PHTF1: variants seen among roughly 807,000 people sequenced by gnomAD.
The protein encoded by PHTF1 is putative homeodomain transcription factor 1.
PHTF1 carries 88 observed loss-of-function variants against 102.4 expected under a neutral mutation model. The ratio of observed to expected loss-of-function variants is 0.86; its 90% CI spans 0.72 to 1.03. PHTF1 has a LOEUF of 1.03. Among genes scored for constraint, PHTF1 ranks in the 50% least tolerant of loss-of-function variants. The pLI is 0.00. For missense variants in PHTF1, 814 were observed against 909.5 expected, an observed-to-expected ratio of 0.89 and a Z score of 1.35; for synonymous variants, 289 against 305.2, an observed-to-expected ratio of 0.95 and a Z score of 0.55.
intron 3 of PHTF1, among the ~76,000 whole-genome samples, chr1:113,742,941 C>G (rs928836371): frequency 1.3e-5 from 2 of 152,140 alleles, no homozygotes; most frequent in African/African-American, 4.8e-5. Flanking sequence ...TCAAGCAATC[C>G]TCCTACCTCA....
chr1:113,727,533 C>G (rs1654025696), intron 5 of PHTF1, among the ~76,000 whole-genome samples: 1 of 152,218 alleles, frequency 6.6e-6, no homozygotes, highest in African/African-American at 2.4e-5. Flanking sequence ...AAATTTATCT[C>G]AGCGTTTAGA....
At chr1:113,716,111 A>G (rs1178232833) in intron 7 of PHTF1, among the ~76,000 whole-genome samples, 3 of 152,156 alleles carry the variant, frequency 2.0e-5, no homozygotes, top group Admixed American at 6.5e-5. Context: ...TTCAAGTACA[A>G]GAAGGTCATA....
rs1046584905 is a variant in PHTF1, at chr1:113,706,657, C to T, written c.1335G>A (p.Glu445=). Residue 445 remains glutamate (E), a synonymous_variant, in exon 12 of 19, where the codon GAG becomes GAA. Transcript: ENST00000369604. ...SSDRVSAIIW[E]GNECKKMDMS... is the part of the protein sequence containing the mutation. ...TATCCATCTTTTTGCACTCATTCCCCTCCCAGATTATTGCACTAACTCGAT... is the reference window on the plus strand; with the variant it reads ...TATCCATCTTTTTGCACTCATTCCCTTCCCAGATTATTGCACTAACTCGAT... 5.6e-6 allele frequency: 9 copies of T among 1,610,504 alleles called. No individual in the cohort carries two copies. In the Admixed American group the frequency reaches 1.3e-4, roughly 24 times the overall value.
rs749964684 is a variant in PHTF1, at chr1:113,735,365, CAAAAAAAAAAAAAAAAA to C, written c.331+2728_331+2744del. 4.6e-4 allele frequency among the ~76,000 whole-genome samples: 13 copies of C among 28,448 alleles called. No individual in the cohort carries two copies. The Admixed American group carries it at 8.8e-3, about 19-fold the overall frequency. 18.7% of individuals were successfully genotyped at this position (28,448 alleles called of 152,430 possible). A position where few individuals can be genotyped will look rare whatever the true frequency, so the allele number is the denominator to read the frequency against. On this transcript the variant is annotated intron_variant, in intron 5 of 18. Transcript: ENST00000369604. ...TGGACAACAGAATGAGACTCTGTCT[CAAAAAAAAAAAAAAAAA>C]AAAAAAAAAAAAAGGCAGCTATACA...
intron 1 of PHTF1, 52 bp from the exon 2 acceptor site, chr1:113,758,785 C>A: frequency 6.4e-7 from 1 of 1,561,066 alleles, no homozygotes; most frequent in Non-Finnish European, 8.7e-7. Context: ...AGGTTACTCT[C>A]CCAGTTTGGG....
rs113564166 is a variant in PHTF1, at chr1:113,697,528, A to G, written c.*177T>C. ...GAAAATACAGGTTTTTAGCATGCAC[A>G]CCCAGTTGGAAAAGGACTTGCTCCT... On this transcript the variant is annotated 3_prime_UTR_variant, in exon 19 of 19. Coordinates refer to ENST00000369604, the MANE Select transcript of PHTF1 (RefSeq NM_001323043.2). 7 of 565,376 alleles carry G rather than the reference A, an allele frequency of 1.2e-5. No homozygotes were observed. The highest frequency in any genetic ancestry group is 1.2e-4 in the African/African-American group (6 of 51,792). The allele number at this position is 565,376 out of a possible 1,614,324, so 35.0% of individuals were successfully genotyped here.
At chr1:113,737,410 C>T (rs192760150) in intron 5 of PHTF1, among the ~76,000 whole-genome samples, 135 of 152,232 alleles carry the variant, frequency 8.9e-4, no homozygotes, top group African/African-American at 3.0e-3. Context: ...TGAAGTGCAG[C>T]GGAGAGATCT....
chr1:113,706,830 A>C, intron 11 of PHTF1, 108 bp from the exon 12 acceptor site: 2 of 583,776 alleles, frequency 3.4e-6, no homozygotes, highest in African/African-American at 2.0e-5. Context: ...CACCTCTATA[A>C]TGCTGGTCCT....
chr1:113,753,669 C>A, intron 3 of PHTF1, among the ~76,000 whole-genome samples: 1 of 152,046 alleles, frequency 6.6e-6, no homozygotes, highest in Non-Finnish European at 1.5e-5. Flanking sequence ...CTCATGCAAT[C>A]TGCCTGCCTC....
Position 113,697,130 on chromosome 1 carries a change from CCA to C in PHTF1, c.*573_*574del, listed in dbSNP as rs1412334425. 6.6e-6 allele frequency: 1 copy of C among 152,408 alleles called. No individual in the cohort carries two copies. Among genetic ancestry groups the C allele is most frequent in the Non-Finnish European group, 1.5e-5 (1 of 68,098 alleles). The allele number at this position is 152,408 out of a possible 1,614,324, so 9.4% of individuals were successfully genotyped here. A position where few individuals can be genotyped will look rare whatever the true frequency, so the allele number is the denominator to read the frequency against. The stretch of plus-strand genomic sequence containing the variant: ...AATCGTAAACGAACAAAACATTTCT[CCA>C]CAGTTTAACAGAAACTCACAGTTTA... On this transcript the variant is annotated 3_prime_UTR_variant, in exon 19 of 19. Coordinates refer to ENST00000369604, the MANE Select transcript of PHTF1 (RefSeq NM_001323043.2).
Position 113,713,332 on chromosome 1 carries a change from T to C in PHTF1, c.730A>G (p.Met244Val). The C allele has an allele frequency of 6.2e-7, 1 of 1,613,656 alleles. No homozygotes were observed. The highest frequency in any genetic ancestry group is 1.1e-5 in the South Asian group (1 of 91,068). Residue 244 changes from methionine to valine, a missense_variant, in exon 8 of 19, where the codon ATG becomes GTG. Met to Val is a conservative substitution (Grantham distance 21). Transcript: ENST00000369604. Reference protein sequence around the residue: ...KRRQCRPEIRMWQTREKAKFS... With the variant: ...KRRQCRPEIRVWQTREKAKFS... The stretch of plus-strand genomic sequence containing the variant: ...TTTGCTTTCTCTCTTGTTTGCCACA[T>C]TCTAATCTCTGGTCGACATTGTCTC...
intron 13 of PHTF1, 66 bp downstream of exon 13, chr1:113,705,824 A>G (rs1364301154): frequency 7.9e-7 from 1 of 1,273,782 alleles, no homozygotes. Context: ...TCAAGAGAAC[A>G]AAAGCAACTC....
intron 3 of PHTF1, among the ~76,000 whole-genome samples, chr1:113,750,858 AAAG>A (rs1657974218): frequency 1.3e-5 from 2 of 152,218 alleles, no homozygotes; most frequent in Middle Eastern, 3.4e-3. Flanking sequence ...AAAAAAAAAA[AAAG>A]ATTAGTAAAA....
intron 5 of PHTF1, among the ~76,000 whole-genome samples, chr1:113,737,371 G>T (rs1244154802): frequency 6.6e-6 from 1 of 152,226 alleles, no homozygotes; most frequent in African/African-American, 2.4e-5. Flanking sequence ...ATATGGAAAT[G>T]TCAAAGCAGG....
intron 5 of PHTF1, among the ~76,000 whole-genome samples, chr1:113,727,380 A>G (rs573850425): frequency 1.3e-5 from 2 of 152,324 alleles, no homozygotes; most frequent in East Asian, 1.9e-4. Flanking sequence ...GTTCACCGCT[A>G]TATCTAAAAC....
At position 113,710,452 on chromosome 1, in the gene PHTF1, AC is replaced by A; in HGVS notation, c.1070del (p.Gly357ValfsTer49). On this transcript the variant is annotated frameshift_variant, in exon 11 of 19. Transcript: ENST00000369604. LOFTEE classifies it high-confidence loss of function. Reference protein sequence around the residue: ...FSQGSRSGVSGGSRSLNMSRR... With the variant: ...FSQGSRSGVSXGSRSLNMSRR... The stretch of plus-strand genomic sequence containing the variant: ...TTGACATGTTGAGGCTTCGAGAGCC[AC>A]CACTCACACCCGATCTAGAGCCCTT... 1 of 1,614,020 alleles carries A rather than the reference AC, an allele frequency of 6.2e-7. No homozygotes were observed. The highest frequency in any genetic ancestry group is 8.5e-7 in the Non-Finnish European group (1 of 1,179,894).
At chr1:113,722,059 C>T (rs753781957) in intron 7 of PHTF1, among the ~76,000 whole-genome samples, 6 of 152,038 alleles carry the variant, frequency 3.9e-5, no homozygotes, top group African/African-American at 7.2e-5. Flanking sequence ...GAAAGTTACA[C>T]GATTTCTAAT....
intron 3 of PHTF1, among the ~76,000 whole-genome samples, chr1:113,751,350 T>C (rs557544972): frequency 1.1e-4 from 17 of 152,294 alleles, no homozygotes; most frequent in African/African-American, 4.1e-4. Context: ...TTAGAACATT[T>C]CCATCACCTC....
Position 113,710,343 on chromosome 1 carries a change from A to G in PHTF1, c.1180T>C (p.Ser394Pro). ...CCCTCACTGTCACTGGTGACAGATG[A>G]CCGGCACTCTGGGCCATGTAGCAGG... ...DDLLHGPECR[S>P]SVTSDSEGAH... Residue 394 changes from serine to proline, a missense_variant, in exon 11 of 19, where the codon TCA (serine) becomes CCA (proline). Transcript: ENST00000369604. 1 of 1,614,064 alleles carries G rather than the reference A, an allele frequency of 6.2e-7. No individual in the cohort carries two copies.
Sources: gnomAD v4.1 joint callset for allele counts (sites outside exome capture counted in the v4.1 genomes callset) on GRCh38, gnomAD v4.1.1 for gene constraint, MANE v1.5 for transcripts, NCBI Gene and HGNC (gene_info 2026-07-23, HGNC 2026-07-21) for gene names.